SENP6: variants seen among roughly 807,000 people sequenced by gnomAD.
SENP6 encodes SUMO specific peptidase 6, also known as sentrin-specific protease 6.
SENP6 carries 41 observed loss-of-function variants against 134.5 expected under a neutral mutation model. The observed-to-expected ratio is 0.30, with a 90% confidence interval of 0.24 to 0.40. The LOEUF (loss-of-function observed/expected upper bound fraction) is 0.40. Ranked by LOEUF, SENP6 falls within the 10% of genes least tolerant of loss-of-function variation. SENP6 has a pLI of 1.00. For missense variants in SENP6, 1,248 were observed against 1,312.5 expected (o/e 0.95, Z 0.76); for synonymous variants, 395 against 429.8 (o/e 0.92, Z 1.00).
At chr6:75,690,182 A>AT (rs1293201468) in intron 16 of SENP6, among the ~76,000 whole-genome samples, 1 of 152,172 alleles carries the variant, frequency 6.6e-6, no homozygotes, top group African/African-American at 2.4e-5. Context: ...AAGTTCTGGG[A>AT]TTACAGGCAT....
At chr6:75,670,316 T>C (rs1016421417) in intron 10 of SENP6, among the ~76,000 whole-genome samples, 11 of 152,208 alleles carry the variant, frequency 7.2e-5, no homozygotes, top group African/African-American at 2.7e-4. Context: ...GTACTATTCC[T>C]GAATGCCATA....
intron 1 of SENP6, among the ~76,000 whole-genome samples, chr6:75,620,382 G>A (rs1244673081): frequency 6.6e-6 from 1 of 152,144 alleles, no homozygotes; most frequent in Non-Finnish European, 1.5e-5. Flanking sequence ...AATTCTGGAA[G>A]CTGGGAAGTT....
At chr6:75,666,185 TATATATAAAAC>T (rs1772216861) in intron 9 of SENP6, among the ~76,000 whole-genome samples, 1 of 146,138 alleles carries the variant, frequency 6.8e-6, no homozygotes, top group Non-Finnish European at 1.5e-5. Flanking sequence ...GTATATATGA[TATATATAAAAC>T]GTATATATGA....
In SENP6 at chr6:75,670,697, C is replaced by T. The variant is rs756987394; in HGVS notation, c.1369C>T (p.Arg457Trp). The T allele has an allele frequency of 9.9e-6, 16 of 1,610,186 alleles. No homozygotes were observed. The highest frequency in any genetic ancestry group is 8.8e-5 in the South Asian group (8 of 90,578). The change falls in exon 11 of 24, where the codon CGG (arginine) becomes TGG (tryptophan). Residue 457 changes from arginine to tryptophan, a missense_variant. By Grantham distance (101) the Arg-to-Trp change is moderately radical. Transcript: ENST00000447266. ...AAGTATACGAGTAGGAACACTCTTC[C>T]GGCTGTTAATAGAGCCTGTAATTGT... ...CRSIRVGTLF[R>W]LLIEPVIFCL...
chr6:75,684,661 G>A (rs539873761), intron 16 of SENP6, among the ~76,000 whole-genome samples: 1 of 152,222 alleles, frequency 6.6e-6, no homozygotes, highest in African/African-American at 2.4e-5. Flanking sequence ...ATAATCATGT[G>A]GTTTTTGTCA....
At chr6:75,683,790 G>C (rs1264705581) in intron 16 of SENP6, among the ~76,000 whole-genome samples, 2 of 152,140 alleles carry the variant, frequency 1.3e-5, no homozygotes, top group Non-Finnish European at 2.9e-5. Context: ...TGCTGATTTG[G>C]TTACTGTAGC....
chr6:75,692,146 G>A (rs146397987), intron 16 of SENP6, among the ~76,000 whole-genome samples: 24 of 151,470 alleles, frequency 1.6e-4, no homozygotes, highest in African/African-American at 5.3e-4. Flanking sequence ...GTGAGCCACC[G>A]CGCCTGGCCT....
chr6:75,607,032 AG>A (rs1358650812), intron 1 of SENP6, among the ~76,000 whole-genome samples: 1 of 152,142 alleles, frequency 6.6e-6, no homozygotes, highest in African/African-American at 2.4e-5. Context: ...ATGATACTGG[AG>A]GTGACATCAC....
chr6:75,670,696 C>G lies in SENP6; in HGVS notation c.1368C>G (p.Phe456Leu), dbSNP rs1339838983. The G allele has an allele frequency of 9.9e-6, 16 of 1,610,572 alleles. No individual in the cohort carries two copies. The highest frequency in any genetic ancestry group is 1.3e-5 in the Non-Finnish European group (15 of 1,177,976). The change falls in exon 11 of 24, where the codon TTC (phenylalanine) becomes TTG (leucine). Residue 456 changes from phenylalanine (F) to leucine (L), a missense_variant. Phe to Leu is a conservative substitution (Grantham distance 22). Around this residue, in one of 3 missense-constraint regions of SENP6, gnomAD observed 733 missense variants for 725.4 expected, o/e 1.01. Transcript: ENST00000447266. ...GAAGTATACGAGTAGGAACACTCTT[C>G]CGGCTGTTAATAGAGCCTGTAATTG... ...NCRSIRVGTL[F>L]RLLIEPVIFC...
intron 5 of SENP6, among the ~76,000 whole-genome samples, chr6:75,639,183 T>G (rs1203131248): frequency 6.6e-6 from 1 of 152,228 alleles, no homozygotes; most frequent in Non-Finnish European, 1.5e-5. Context: ...GAAATGCAGC[T>G]ATATAAGAAA....
chr6:75,681,952 G>T (rs1331263398), intron 16 of SENP6, among the ~76,000 whole-genome samples: 1 of 151,972 alleles, frequency 6.6e-6, no homozygotes, highest in Non-Finnish European at 1.5e-5. Flanking sequence ...GACTTCAGGG[G>T]CTGGGCTCAA....
At chr6:75,666,670 T>C in intron 9 of SENP6, 42 bp from the exon 10 acceptor site, 1 of 958,256 alleles carries the variant, frequency 1.0e-6, no homozygotes. Flanking sequence ...AAATTATAAC[T>C]ATAGTTTTAA....
chr6:75,709,765 T>C, intron 20 of SENP6, 135 bp downstream of exon 20: 1 of 514,682 alleles, frequency 1.9e-6, no homozygotes, highest in Non-Finnish European at 3.4e-6. Context: ...AGCCTAGGAG[T>C]TTGAGTTCAG....
At chr6:75,634,892 C>T in intron 5 of SENP6, 81 bp downstream of exon 5, 1 of 884,160 alleles carries the variant, frequency 1.1e-6, no homozygotes, top group Non-Finnish European at 1.8e-6. Flanking sequence ...CCATTTTTTT[C>T]CTTTGTGAAA....
rs1766687101 is a variant in SENP6, at chr6:75,602,356, T to A, written c.-169T>A. 2 of 674,648 alleles carry A rather than the reference T, an allele frequency of 3.0e-6. No homozygotes were observed. The highest frequency in any genetic ancestry group is 4.7e-6 in the Non-Finnish European group (2 of 428,844). The allele number at this position is 674,648 out of a possible 1,614,324, so 41.8% of individuals were successfully genotyped here. A position where few individuals can be genotyped will look rare whatever the true frequency, so the allele number is the denominator to read the frequency against. On this transcript the variant is annotated 5_prime_UTR_variant, in exon 1 of 24. Transcript: ENST00000447266. ...CGGACAGGCCCGGGCGCGCCTGGCC[T>A]GCCTTTGTATAGGCCCGTCTGAACG...
intron 11 of SENP6, among the ~76,000 whole-genome samples, chr6:75,675,056 A>G (rs971530072): frequency 6.6e-6 from 1 of 152,194 alleles, no homozygotes; most frequent in African/African-American, 2.4e-5. Flanking sequence ...TGTTGTAACC[A>G]CCAGTAATAA....
chr6:75,623,889 T>A lies in SENP6; in HGVS notation c.147-11T>A. ...GCTACTTATGTTTTTTTCCCCTTAT[T>A]TTCTGTGTAGTGGGACAAATCTGCT... is the stretch of plus-strand genomic sequence containing the variant. On this transcript the variant is annotated splice_polypyrimidine_tract_variant and intron_variant, in intron 2 of 23. Transcript: ENST00000447266. 1 of 1,595,904 alleles carries A rather than the reference T, an allele frequency of 6.3e-7. No individual in the cohort carries two copies.
chr6:75,665,750 G>A (rs1772150341), intron 9 of SENP6, among the ~76,000 whole-genome samples: 1 of 152,194 alleles, frequency 6.6e-6, no homozygotes, highest in South Asian at 2.1e-4. Context: ...GCTACAGCCA[G>A]GTGCGGTGGC....
At chr6:75,660,827 C>G (rs1212809368) in intron 8 of SENP6, among the ~76,000 whole-genome samples, 1 of 152,114 alleles carries the variant, frequency 6.6e-6, no homozygotes, top group Non-Finnish European at 1.5e-5. Flanking sequence ...GATGGCGTTT[C>G]ACCATGTTGG....
Sources: gnomAD v4.1 joint callset for allele counts (sites outside exome capture counted in the v4.1 genomes callset) on GRCh38, gnomAD v4.1.1 for gene constraint, gnomAD v4.1.1 regional missense constraint, MANE v1.5 for transcripts, NCBI Gene and HGNC (gene_info 2026-07-23, HGNC 2026-07-21) for gene names.